Variants in POU6F2 observed in about 807,000 individuals in gnomAD.
POU6F2 encodes POU domain, class 6, transcription factor 2.
A neutral mutation model predicts 71.3 loss-of-function variants in POU6F2; 31 were observed. The ratio of observed to expected loss-of-function variants is 0.43; its 90% CI spans 0.33 to 0.59. The LOEUF (loss-of-function observed/expected upper bound fraction) is 0.59. Ranked by LOEUF, POU6F2 falls within the 20% of genes least tolerant of loss-of-function variation. The pLI, the probability that POU6F2 is intolerant of heterozygous loss-of-function variation, is 0.04. For missense variants in POU6F2, 783 were observed against 856.8 expected (o/e 0.91, Z 1.07); for synonymous variants, 347 against 355.7 (o/e 0.98, Z 0.27).
chr7:39,383,735 C>T (rs534270100), intron 5 of POU6F2, among the ~76,000 whole-genome samples: 1 of 152,170 alleles, frequency 6.6e-6, no homozygotes, highest in African/African-American at 2.4e-5. Context: ...CGAACCAGAC[C>T]TCTGAAGATG....
chr7:39,433,135 G>A lies in POU6F2; in HGVS notation c.1172G>A (p.Gly391Asp), dbSNP rs1312729573. The change falls in exon 7 of 10, where the codon GGC becomes GAC. Residue 391 changes from glycine to aspartate, a missense_variant. Coordinates refer to ENST00000518318, the MANE Select transcript of POU6F2 (RefSeq NM_001370959.1). The part of the protein sequence containing the change: ...NPGPSSQAAS[G>D]TQGLQVQPIT... Reference sequence around the variant, plus strand: ...GGGCCATCGAGCCAAGCAGCAAGCGGCACTCAGGGCTTGCAAGTGCAGCCA... The same window carrying A: ...GGGCCATCGAGCCAAGCAGCAAGCGACACTCAGGGCTTGCAAGTGCAGCCA... The A allele has an allele frequency of 3.7e-6, 6 of 1,613,634 alleles. No homozygotes were observed. The highest frequency in any genetic ancestry group is 1.7e-4 in the Middle Eastern group (1 of 6,058).
intron 2 of POU6F2, among the ~76,000 whole-genome samples, chr7:39,148,054 G>A (rs1388679874): frequency 6.6e-6 from 1 of 152,198 alleles, no homozygotes; most frequent in East Asian, 1.9e-4. Context: ...CACCATACAT[G>A]AATATGGCAG....
At chr7:39,242,162 CTGTAAACGTT>C (rs1783738178) in intron 4 of POU6F2, among the ~76,000 whole-genome samples, 1 of 152,078 alleles carries the variant, frequency 6.6e-6, no homozygotes, top group African/African-American at 2.4e-5. Flanking sequence ...GATAAACCCA[CTGTAAACGTT>C]TGCATATAGG....
At chr7:39,324,875 T>C (rs1369329502) in intron 4 of POU6F2, among the ~76,000 whole-genome samples, 8 of 152,214 alleles carry the variant, frequency 5.3e-5, no homozygotes, top group Admixed American at 4.6e-4. Flanking sequence ...TTGTTAAAAC[T>C]GTCAGTTGCG....
At chr7:39,432,006 G>A (rs755018625) in intron 6 of POU6F2, among the ~76,000 whole-genome samples, 4 of 152,154 alleles carry the variant, frequency 2.6e-5, no homozygotes, top group Non-Finnish European at 5.9e-5. Context: ...TCGCTTCTCA[G>A]GAGATGCCAC....
At chr7:39,286,156 C>T (rs757473063) in intron 4 of POU6F2, among the ~76,000 whole-genome samples, 11 of 152,096 alleles carry the variant, frequency 7.2e-5, no homozygotes, top group Non-Finnish European at 1.2e-4. Flanking sequence ...GGGGAGGGAA[C>T]CTCTGAAATA....
chr7:39,004,772 GGCT>G (rs1789010818), intron 1 of POU6F2, among the ~76,000 whole-genome samples: 1 of 152,070 alleles, frequency 6.6e-6, no homozygotes, highest in East Asian at 1.9e-4. Flanking sequence ...TGAAAATCAG[GGCT>G]GCCAATTATT....
chr7:39,141,361 C>T (rs1340465684), intron 2 of POU6F2, among the ~76,000 whole-genome samples: 2 of 151,980 alleles, frequency 1.3e-5, no homozygotes, highest in Admixed American at 6.6e-5. Flanking sequence ...ATTTTCCTGC[C>T]CTCTGTGGGC....
intron 7 of POU6F2, among the ~76,000 whole-genome samples, chr7:39,444,595 C>T (rs1176946570): frequency 6.6e-6 from 1 of 152,200 alleles, no homozygotes; most frequent in Non-Finnish European, 1.5e-5. Context: ...AACAAACAAA[C>T]AACCAGATGA....
intron 7 of POU6F2, among the ~76,000 whole-genome samples, chr7:39,438,887 C>A (rs1372865861): frequency 6.6e-6 from 1 of 152,176 alleles, no homozygotes; most frequent in Non-Finnish European, 1.5e-5. Context: ...TGATCCAGAG[C>A]TGAGTTCAAG....
At chr7:39,128,085 C>G (rs1187018243) in intron 2 of POU6F2, among the ~76,000 whole-genome samples, 2 of 151,914 alleles carry the variant, frequency 1.3e-5, no homozygotes, top group Non-Finnish European at 2.9e-5. Context: ...TCGTGATCCG[C>G]CCACCTCGGC....
chr7:39,186,142 A>G (rs1793536181), intron 2 of POU6F2, among the ~76,000 whole-genome samples: 2 of 152,164 alleles, frequency 1.3e-5, no homozygotes, highest in Admixed American at 6.5e-5. Context: ...CTTAATAAAT[A>G]TCATGTTGAA....
intron 1 of POU6F2, among the ~76,000 whole-genome samples, chr7:39,071,654 AACACACACACACACAC>A (rs10522287): frequency 0.24 from 34,562 of 142,142 alleles, 4,822 homozygotes; most frequent in East Asian, 0.7. Context: ...TCTCTAAAGA[AACACACACACACACAC>A]ACACACACAC....
At chr7:39,321,249 C>A (rs888690460) in intron 4 of POU6F2, among the ~76,000 whole-genome samples, 10 of 152,140 alleles carry the variant, frequency 6.6e-5, no homozygotes, top group African/African-American at 2.4e-4. Flanking sequence ...ATAACCAGGG[C>A]ATCACTTCAT....
At chr7:39,217,057 C>A (rs538206928) in intron 4 of POU6F2, among the ~76,000 whole-genome samples, 1 of 152,062 alleles carries the variant, frequency 6.6e-6, no homozygotes, top group Non-Finnish European at 1.5e-5. Flanking sequence ...ATTTTGAAAT[C>A]CGAATACTTT....
chr7:39,239,196 G>GGTCA (rs1306883085), intron 4 of POU6F2, among the ~76,000 whole-genome samples: 3 of 152,024 alleles, frequency 2.0e-5, no homozygotes, highest in African/African-American at 7.2e-5. Flanking sequence ...GGCTGTCAAG[G>GGTCA]GTCAGATCCT....
chr7:39,015,736 GATATATA>G (rs1789480131), intron 1 of POU6F2, among the ~76,000 whole-genome samples: 1 of 36,908 alleles, frequency 2.7e-5, no homozygotes, highest in Non-Finnish European at 5.1e-5. Context: ...ATAACATATA[GATATATA>G]TTATATATTA....
chr7:39,176,318 C>G (rs1793327706), intron 2 of POU6F2, among the ~76,000 whole-genome samples: 2 of 152,170 alleles, frequency 1.3e-5, no homozygotes, highest in Non-Finnish European at 2.9e-5. Flanking sequence ...TCTACATTAT[C>G]CTTAATGCTT....
chr7:39,442,694 CT>C (rs1393529088), intron 7 of POU6F2, among the ~76,000 whole-genome samples: 6 of 152,216 alleles, frequency 3.9e-5, no homozygotes, highest in African/African-American at 1.2e-4. Context: ...CTAGTTTCAT[CT>C]GGTCCAACTA....
Sources: allele counts gnomAD v4.1 joint callset (sites outside exome capture counted in the v4.1 genomes callset), GRCh38; gene constraint gnomAD v4.1.1; transcripts MANE v1.5; gene names NCBI Gene and HGNC (gene_info 2026-07-23, HGNC 2026-07-21).